Variants in SNX29 observed in about 807,000 individuals in gnomAD.
SNX29 encodes sorting nexin-29.
Under a neutral mutation model 102.1 loss-of-function variants are expected in SNX29, and 78 were observed. The ratio of observed to expected loss-of-function variants is 0.76; its 90% CI spans 0.64 to 0.92. SNX29 has a LOEUF of 0.92. Ranked by LOEUF, SNX29 falls within the 40% of genes least tolerant of loss-of-function variation. The probability of loss-of-function intolerance (pLI) is 0.00; values close to 1 mark genes in which losing one functional copy is unlikely to be tolerated. For synonymous variants in SNX29, 580 were observed against 414.5 expected, an observed-to-expected ratio of 1.40 and a Z score of -4.85; for missense variants, 1,280 against 1,061.7, an observed-to-expected ratio of 1.21 and a Z score of -2.86.
intron 18 of SNX29, among the ~76,000 whole-genome samples, chr16:12,454,942 T>C (rs1285698639): frequency 1.3e-5 from 2 of 152,096 alleles, no homozygotes; most frequent in African/African-American, 4.8e-5. Context: ...GAGATGGGGT[T>C]TCACCATTTT....
At chr16:12,231,155 T>C (rs2077758161) in intron 14 of SNX29, among the ~76,000 whole-genome samples, 2 of 152,202 alleles carry the variant, frequency 1.3e-5, no homozygotes, top group Non-Finnish European at 2.9e-5. Context: ...GCCCTGCCGG[T>C]AATAAGTCAT....
chr16:12,028,214 C>G (rs1439269008), intron 4 of SNX29, among the ~76,000 whole-genome samples: 1 of 152,134 alleles, frequency 6.6e-6, no homozygotes, highest in Admixed American at 6.6e-5. Flanking sequence ...TGGCTGGTTC[C>G]CCTTTCACAG....
chr16:12,483,489 G>A (rs9674243), intron 19 of SNX29, among the ~76,000 whole-genome samples: 1,773 of 150,902 alleles, frequency 0.012, 18 homozygotes, highest in East Asian at 0.037. Context: ...GGTAATTTTT[G>A]TATTTTTTGT....
chr16:12,391,972 G>A (rs7199220), intron 16 of SNX29, among the ~76,000 whole-genome samples: 2 of 152,022 alleles, frequency 1.3e-5, no homozygotes, highest in African/African-American at 2.4e-5. Context: ...ATAGATCATC[G>A]TCTCTCCTCT....
At chr16:12,445,008 G>T (rs12924834) in intron 18 of SNX29, among the ~76,000 whole-genome samples, 1 of 151,600 alleles carries the variant, frequency 6.6e-6, no homozygotes, top group Non-Finnish European at 1.5e-5. Context: ...CTGCCACCAC[G>T]CCCAGCTAAT....
At chr16:12,000,580 G>T (rs1456665266) in intron 2 of SNX29, 1 of 152,260 alleles carries the variant, frequency 6.6e-6, no homozygotes, top group Non-Finnish European at 1.5e-5. Context: ...CTAGAGCGCA[G>T]TGGTACCATC....
chr16:12,521,606 A>G (rs1436380336), intron 19 of SNX29, among the ~76,000 whole-genome samples: 1 of 152,150 alleles, frequency 6.6e-6, no homozygotes, highest in South Asian at 2.1e-4. Flanking sequence ...TGCAGGGCTG[A>G]TGAGCTCCTT....
chr16:12,383,219 C>G (rs1042920147), intron 16 of SNX29, among the ~76,000 whole-genome samples: 5 of 152,136 alleles, frequency 3.3e-5, no homozygotes, highest in African/African-American at 1.2e-4. Flanking sequence ...TCCTTCCAGA[C>G]CTTCCTGTTA....
intron 15 of SNX29, among the ~76,000 whole-genome samples, chr16:12,334,487 A>G (rs1021310305): frequency 6.6e-6 from 1 of 152,218 alleles, no homozygotes; most frequent in East Asian, 1.9e-4. Context: ...ATCTTGATGC[A>G]TAAAACAGGG....
intron 17 of SNX29, 136 bp from the exon 18 acceptor site, chr16:12,403,312 T>G: frequency 1.4e-6 from 1 of 718,248 alleles, no homozygotes; most frequent in Non-Finnish European, 2.3e-6. Context: ...CCATCAGGTG[T>G]GATGTAAGTT....
chr16:12,533,887 C>T (rs4781247), intron 20 of SNX29, among the ~76,000 whole-genome samples: 1,650 of 152,320 alleles, frequency 0.011, 13 homozygotes, highest in Non-Finnish European at 0.015. Flanking sequence ...TTGACCTTTT[C>T]AAGACGTGGC....
At chr16:12,292,944 A>G (rs1596788007) in intron 15 of SNX29, among the ~76,000 whole-genome samples, 1 of 152,216 alleles carries the variant, frequency 6.6e-6, no homozygotes, top group African/African-American at 2.4e-5. Context: ...GAACTTTCTT[A>G]TGTAGAATAA....
At chr16:12,153,915 T>C (rs1028076899) in intron 13 of SNX29, among the ~76,000 whole-genome samples, 12 of 152,208 alleles carry the variant, frequency 7.9e-5, no homozygotes, top group African/African-American at 2.9e-4. Context: ...TCTGATGTGT[T>C]CCAGTTCTGT....
chr16:12,003,149 G>A, intron 3 of SNX29, 106 bp downstream of exon 3: 1 of 1,411,814 alleles, frequency 7.1e-7, no homozygotes, highest in Non-Finnish European at 1.0e-6. Flanking sequence ...GGCGGCAGAA[G>A]GCGGCTGGCT....
At chr16:12,275,644 C>G (rs979109409) in intron 14 of SNX29, among the ~76,000 whole-genome samples, 8 of 151,190 alleles carry the variant, frequency 5.3e-5, no homozygotes, top group African/African-American at 1.9e-4. Context: ...AGTCATCTAC[C>G]TGATTCTTAG....
chr16:12,201,177 C>T (rs1353801652), intron 14 of SNX29, among the ~76,000 whole-genome samples: 4 of 152,166 alleles, frequency 2.6e-5, no homozygotes, highest in Non-Finnish European at 4.4e-5. Flanking sequence ...GTTATCAGTG[C>T]AGAATTAATC....
intron 16 of SNX29, among the ~76,000 whole-genome samples, chr16:12,388,303 CG>C (rs1348065988): frequency 6.6e-6 from 1 of 152,170 alleles, no homozygotes; most frequent in Admixed American, 6.5e-5. Flanking sequence ...CTGTAGAATA[CG>C]GGAAACAGGT....
At chr16:12,181,479 G>C (rs2076383657) in intron 13 of SNX29, among the ~76,000 whole-genome samples, 2 of 152,230 alleles carry the variant, frequency 1.3e-5, no homozygotes, top group South Asian at 2.1e-4. Flanking sequence ...GAGGCAACCA[G>C]ATAGGCATTC....
intron 16 of SNX29, among the ~76,000 whole-genome samples, chr16:12,367,910 C>T (rs932620841): frequency 6.6e-6 from 1 of 152,210 alleles, no homozygotes; most frequent in African/African-American, 2.4e-5. Context: ...GCCTTTGACA[C>T]AAAATTATTT....
Sources: gnomAD v4.1 joint callset for allele counts (sites outside exome capture counted in the v4.1 genomes callset) on GRCh38, gnomAD v4.1.1 for gene constraint, MANE v1.5 for transcripts, NCBI Gene and HGNC (gene_info 2026-07-23, HGNC 2026-07-21) for gene names.